The following LMO1 variants were observed in gnomAD, a reference collection of about 807,000 sequenced individuals.
LMO1 encodes the protein LIM domain only 1, also known as rhombotin-1.
Under a neutral mutation model 18.0 loss-of-function variants are expected in LMO1, and 10 were observed. The ratio of observed to expected loss-of-function variants is 0.55; its 90% CI spans 0.34 to 0.94. LMO1 has a LOEUF of 0.94. LMO1 is among the 40% of genes least tolerant of loss of function. LMO1 has a pLI of 0.02. For missense variants in LMO1, 183 were observed against 205.7 expected (o/e 0.89, Z 0.68); for synonymous variants, 77 against 77.9 (o/e 0.99, Z 0.06).
chr11:8,249,159 A>G (rs546389427), intron 1 of LMO1, among the ~76,000 whole-genome samples: 1 of 152,302 alleles, frequency 6.6e-6, no homozygotes, highest in East Asian at 1.9e-4. Flanking sequence ...CCAAGGCCAC[A>G]GCTTCAGCAC....
intron 2 of LMO1, among the ~76,000 whole-genome samples, chr11:8,227,972 A>G (rs1952578748): frequency 6.6e-6 from 1 of 152,222 alleles, no homozygotes; most frequent in Non-Finnish European, 1.5e-5. Flanking sequence ...CCTTGCCAAA[A>G]TTAAAGTGTT....
intron 1 of LMO1, among the ~76,000 whole-genome samples, chr11:8,233,697 C>T (rs1432848630): frequency 6.6e-6 from 1 of 151,470 alleles, no homozygotes; most frequent in East Asian, 2.0e-4. Context: ...TCCCCATTCC[C>T]ACCTAGCCCC....
chr11:8,246,689 G>C lies in LMO1; in HGVS notation c.26-16185C>G, dbSNP rs78822147. On this transcript the variant is annotated intron_variant, in intron 1 of 3. Coordinates refer to ENST00000335790, the MANE Select transcript of LMO1 (RefSeq NM_002315.3). ...AAGGTTAATTTTGTGGTATGCAAAT[G>C]ATAAATCAATAAAGCTATTATAAAA... Among the ~76,000 whole-genome samples, 858 of 152,270 alleles carry C rather than the reference G, an allele frequency of 5.6e-3. 7 individuals carry two copies. Among genetic ancestry groups the C allele is most frequent in the Non-Finnish European group, 7.8e-3 (532 of 68,010 alleles).
At chr11:8,231,250 G>A (rs889153995) in intron 1 of LMO1, among the ~76,000 whole-genome samples, 1 of 152,202 alleles carries the variant, frequency 6.6e-6, no homozygotes, top group Non-Finnish European at 1.5e-5. Flanking sequence ...CCCTCCCAGG[G>A]CCCATACCAG....
intron 1 of LMO1, among the ~76,000 whole-genome samples, chr11:8,241,071 T>C (rs1261459892): frequency 6.6e-6 from 1 of 152,172 alleles, no homozygotes; most frequent in Non-Finnish European, 1.5e-5. Flanking sequence ...TCTTTGGTTG[T>C]CTCTAGAAAG....
intron 1 of LMO1, among the ~76,000 whole-genome samples, chr11:8,248,040 G>C (rs1280656293): frequency 6.6e-6 from 1 of 151,848 alleles, no homozygotes; most frequent in Non-Finnish European, 1.5e-5. Context: ...CTTAACTTAC[G>C]TGACCAGGGC....
At chr11:8,236,688 C>CA (rs1952766621) in intron 1 of LMO1, among the ~76,000 whole-genome samples, 1 of 152,116 alleles carries the variant, frequency 6.6e-6, no homozygotes, top group Admixed American at 6.5e-5. Context: ...GATACTTCCC[C>CA]ACGTCCACAT....
At position 8,227,158 on chromosome 11, in the gene LMO1, G is replaced by C. The variant is rs913222088; in HGVS notation, c.240-58C>G. The C allele has an allele frequency of 9.5e-6, 15 of 1,576,522 alleles. No individual in the cohort carries two copies. In the African/African-American group the frequency reaches 1.7e-4, roughly 18 times the overall value. On this transcript the variant is annotated intron_variant, in intron 2 of 3. Coordinates refer to ENST00000335790, the MANE Select transcript of LMO1 (RefSeq NM_002315.3). ...CATTCTGGGAAGCTGGGTGGGCAGG[G>C]GGAAAGGAGTTGCCTCCATCCAGGG...
At chr11:8,233,002 G>A (rs1036145117) in intron 1 of LMO1, among the ~76,000 whole-genome samples, 11 of 152,226 alleles carry the variant, frequency 7.2e-5, no homozygotes, top group Admixed American at 6.5e-4. Flanking sequence ...AGAGGACCCT[G>A]TGGAAGCCAT....
chr11:8,250,690 C>T (rs1846975872), intron 1 of LMO1, among the ~76,000 whole-genome samples: 1 of 152,272 alleles, frequency 6.6e-6, no homozygotes, highest in Non-Finnish European at 1.5e-5. Flanking sequence ...CTCTGACTGA[C>T]AGGCAAAGAG....
intron 1 of LMO1, among the ~76,000 whole-genome samples, chr11:8,239,501 A>T (rs960561189): frequency 6.6e-6 from 1 of 152,220 alleles, no homozygotes; most frequent in Admixed American, 6.5e-5. Flanking sequence ...AGATGTCTGC[A>T]TCGCAGCTTT....
intron 1 of LMO1, among the ~76,000 whole-genome samples, chr11:8,233,929 T>C (rs1225320977): frequency 6.6e-6 from 1 of 152,244 alleles, no homozygotes; most frequent in African/African-American, 2.4e-5. Context: ...GGCTTTGCGC[T>C]CCTTCAGGAA....
intron 1 of LMO1, 22 bp downstream of exon 1, chr11:8,263,316 G>T (rs750155189): frequency 6.3e-7 from 1 of 1,595,884 alleles, no homozygotes. Context: ...GAGGGGCGTC[G>T]AGACCCCGGC....
intron 1 of LMO1, among the ~76,000 whole-genome samples, chr11:8,253,822 A>AC (rs1433416648): frequency 6.6e-6 from 1 of 151,940 alleles, no homozygotes; most frequent in Non-Finnish European, 1.5e-5. Context: ...GCCGAGACTC[A>AC]GAGAAGAGGG....
intron 1 of LMO1, among the ~76,000 whole-genome samples, chr11:8,245,529 G>A (rs937952211): frequency 5.9e-5 from 9 of 152,178 alleles, no homozygotes; most frequent in African/African-American, 2.2e-4. Flanking sequence ...GGTGAGCAAA[G>A]ATCCGTACTA....
chr11:8,261,021 G>C (rs1847177866), intron 1 of LMO1, among the ~76,000 whole-genome samples: 1 of 152,186 alleles, frequency 6.6e-6, no homozygotes, highest in African/African-American at 2.4e-5. Flanking sequence ...CCCAATTGAA[G>C]ATGCCATCTT....
At chr11:8,236,680 T>C (rs946709181) in intron 1 of LMO1, among the ~76,000 whole-genome samples, 1 of 152,070 alleles carries the variant, frequency 6.6e-6, no homozygotes, top group African/African-American at 2.4e-5. Context: ...AGCACACAGA[T>C]ACTTCCCCAC....
intron 1 of LMO1, among the ~76,000 whole-genome samples, chr11:8,246,903 T>G (rs1483818784): frequency 2.0e-5 from 3 of 152,166 alleles, no homozygotes; most frequent in Non-Finnish European, 4.4e-5. Context: ...ATCCCCCTGC[T>G]GGGATGAAAG....
In LMO1 at chr11:8,263,543, G is replaced by T; in HGVS notation, c.-181C>A. On this transcript the variant is annotated 5_prime_UTR_variant, in exon 1 of 4. It adds an upstream start codon to the 5' untranslated region. Coordinates refer to ENST00000335790, the MANE Select transcript of LMO1 (RefSeq NM_002315.3). ...ACATTCAGGAGTGAAGCACTTCGCA[G>T]ATACAAAAGCAGTCTCACCTACTTT... 5.8e-6 allele frequency: 8 copies of T among 1,367,780 alleles called. No homozygotes were observed. Among genetic ancestry groups the T allele is most frequent in the Non-Finnish European group, 7.5e-6 (8 of 1,062,468 alleles). The allele number at this position is 1,367,780 out of a possible 1,614,324, so 84.7% of individuals were successfully genotyped here.
Sources: gnomAD v4.1 joint callset for allele counts (sites outside exome capture counted in the v4.1 genomes callset) on GRCh38, gnomAD v4.1.1 for gene constraint, MANE v1.5 for transcripts, NCBI Gene and HGNC (gene_info 2026-07-23, HGNC 2026-07-21) for gene names.